RBFOX1: variants seen among roughly 807,000 people sequenced by gnomAD.
RBFOX1 encodes the protein RNA binding protein fox-1 homolog 1.
RBFOX1 carries 8 observed loss-of-function variants against 57.7 expected under a neutral mutation model. The ratio of observed to expected loss-of-function variants is 0.14; its 90% CI spans 0.08 to 0.25. The LOEUF (loss-of-function observed/expected upper bound fraction) is 0.25, where lower values mean the gene tolerates loss of function less well. RBFOX1 is among the 10% of genes least tolerant of loss of function. RBFOX1 has a pLI of 1.00. For synonymous variants in RBFOX1, 326 were observed against 222.4 expected (o/e 1.47, Z -4.15); for missense variants, 611 against 548.5 (o/e 1.11, Z -1.14).
chr16:5,546,965 AT>A (rs2045233042), intron 2 of RBFOX1, among the ~76,000 whole-genome samples: 1 of 152,218 alleles, frequency 6.6e-6, no homozygotes, highest in Non-Finnish European at 1.5e-5. Context: ...ATTTTACCAA[AT>A]TAGATATACA....
intron 2 of RBFOX1, among the ~76,000 whole-genome samples, chr16:6,560,113 G>A (rs568545658): frequency 5.5e-4 from 84 of 151,420 alleles, no homozygotes; most frequent in African/African-American, 1.5e-3. Flanking sequence ...CACATTGTGC[G>A]GTGGGGTAAT....
intron 1 of RBFOX1, among the ~76,000 whole-genome samples, chr16:6,105,600 T>C (rs148871083): frequency 2.5e-4 from 38 of 152,204 alleles, no homozygotes; most frequent in African/African-American, 9.1e-4. Context: ...TCATGGACAC[T>C]ACCTTTTATT....
intron 1 of RBFOX1, among the ~76,000 whole-genome samples, chr16:6,183,966 A>G (rs897161982): frequency 6.6e-5 from 10 of 152,202 alleles, no homozygotes; most frequent in Non-Finnish European, 1.3e-4. Context: ...TGGGTCATTT[A>G]TAAAGAAAAA....
chr16:7,570,521 C>G (rs1388288155), intron 5 of RBFOX1, among the ~76,000 whole-genome samples: 2 of 152,170 alleles, frequency 1.3e-5, no homozygotes, highest in African/African-American at 2.4e-5. Flanking sequence ...ACAGACAACC[C>G]TGAGATAGAA....
intron 11 of RBFOX1, among the ~76,000 whole-genome samples, chr16:7,635,654 A>G (rs1469161017): frequency 7.1e-6 from 1 of 141,480 alleles, no homozygotes; most frequent in Non-Finnish European, 1.5e-5. Flanking sequence ...TATATCAATC[A>G]TATTTAGTTT....
At chr16:6,060,965 T>A (rs2095678025) in intron 1 of RBFOX1, among the ~76,000 whole-genome samples, 1 of 152,204 alleles carries the variant, frequency 6.6e-6, no homozygotes, top group South Asian at 2.1e-4. Flanking sequence ...CAGCCCTGCC[T>A]ACTGCAGTGA....
At chr16:6,085,386 C>T (rs1196868395) in intron 1 of RBFOX1, among the ~76,000 whole-genome samples, 1 of 152,208 alleles carries the variant, frequency 6.6e-6, no homozygotes, top group Non-Finnish European at 1.5e-5. Context: ...GATTCTCCTG[C>T]CTCAGCCTCC....
intron 1 of RBFOX1, chr16:6,092,366 A>G (rs1703688197): frequency 6.6e-6 from 1 of 152,328 alleles, no homozygotes; most frequent in Admixed American, 6.5e-5. Context: ...GCTGGGATGA[A>G]TCCCTGGCAA....
intron 6 of RBFOX1, among the ~76,000 whole-genome samples, chr16:7,586,990 C>T (rs552711548): frequency 6.6e-6 from 1 of 152,094 alleles, no homozygotes; most frequent in African/African-American, 2.4e-5. Flanking sequence ...CAGACATGCA[C>T]ACAGGAAAAA....
At chr16:7,357,772 A>G (rs910461608) in intron 4 of RBFOX1, among the ~76,000 whole-genome samples, 1 of 152,050 alleles carries the variant, frequency 6.6e-6, no homozygotes, top group African/African-American at 2.4e-5. Flanking sequence ...TTAACTCTTT[A>G]TTTTAAATAA....
chr16:7,230,584 A>G (rs527644307), intron 4 of RBFOX1, among the ~76,000 whole-genome samples: 4 of 152,276 alleles, frequency 2.6e-5, no homozygotes, highest in African/African-American at 9.6e-5. Context: ...GGTTCGTTTC[A>G]TTTCCCAATC....
intron 3 of RBFOX1, among the ~76,000 whole-genome samples, chr16:6,877,275 G>C (rs572642482): frequency 6.6e-6 from 1 of 152,292 alleles, no homozygotes; most frequent in Non-Finnish European, 1.5e-5. Flanking sequence ...AAGATGGATG[G>C]GTTGACTTGG....
intron 4 of RBFOX1, among the ~76,000 whole-genome samples, chr16:7,069,974 C>T (rs1277413996): frequency 6.6e-6 from 1 of 152,192 alleles, no homozygotes; most frequent in Non-Finnish European, 1.5e-5. Flanking sequence ...ATAATTCCAT[C>T]AAGTAAGGTT....
intron 4 of RBFOX1, among the ~76,000 whole-genome samples, chr16:5,979,226 C>T (rs1185046323): frequency 6.6e-6 from 1 of 152,152 alleles, no homozygotes; most frequent in East Asian, 1.9e-4. Flanking sequence ...TAAACCCCAG[C>T]ACGTTTCTGG....
intron 1 of RBFOX1, among the ~76,000 whole-genome samples, chr16:5,355,646 T>A (rs948190998): frequency 1.3e-5 from 2 of 152,108 alleles, no homozygotes; most frequent in African/African-American, 4.8e-5. Context: ...TTGAGGAGCG[T>A]CTCCTCCAAA....
intron 1 of RBFOX1, among the ~76,000 whole-genome samples, chr16:6,310,465 G>A (rs2080117158): frequency 6.6e-6 from 1 of 152,166 alleles, no homozygotes; most frequent in African/African-American, 2.4e-5. Flanking sequence ...TTGGCTGTTT[G>A]GCTCCAGTAA....
Position 6,644,731 on chromosome 16 carries a change from T to C in RBFOX1, c.-63-9872T>C, listed in dbSNP as rs1193439154. On this transcript the variant is annotated intron_variant, in intron 2 of 15. Transcript: ENST00000550418. ...TTAGAGGTTTTCAGGGGCTGTATTG[T>C]GGAAACACCTGGGCCCTGGAGCACA... Among the ~76,000 whole-genome samples, 3 of 152,294 alleles carry C rather than the reference T, an allele frequency of 2.0e-5. No homozygotes were observed. In the South Asian group the frequency reaches 6.2e-4, roughly 32 times the overall value.
At chr16:7,165,979 C>CATACAT (rs2079432424) in intron 4 of RBFOX1, among the ~76,000 whole-genome samples, 1 of 90,210 alleles carries the variant, frequency 1.1e-5, no homozygotes, top group African/African-American at 3.9e-5. Context: ...CATACATACA[C>CATACAT]CCCAGATTTC....
chr16:7,638,375 C>A (rs531152160), intron 11 of RBFOX1, among the ~76,000 whole-genome samples: 2 of 151,950 alleles, frequency 1.3e-5, no homozygotes, highest in African/African-American at 4.8e-5. Flanking sequence ...CAGCTTTGAA[C>A]CAAGCCTGTT....
Sources: allele counts gnomAD v4.1 joint callset (sites outside exome capture counted in the v4.1 genomes callset), GRCh38; gene constraint gnomAD v4.1.1; transcripts MANE v1.5; gene names NCBI Gene and HGNC (gene_info 2026-07-23, HGNC 2026-07-21).